The following PDXK variants were observed in gnomAD, a reference collection of about 807,000 sequenced individuals.
PDXK encodes the protein epididymis secretory sperm binding protein Li 1a.
A neutral mutation model predicts 43.2 loss-of-function variants in PDXK; 15 were observed. That is an observed-to-expected ratio of 0.35 (90% CI 0.23 to 0.53). The LOEUF (loss-of-function observed/expected upper bound fraction) is 0.53, where lower values mean the gene tolerates loss of function less well. Among genes scored for constraint, PDXK ranks in the 20% least tolerant of loss-of-function variants. The pLI is 0.92. For synonymous variants in PDXK, 172 were observed against 165.4 expected (o/e 1.04, Z -0.31); for missense variants, 343 against 417.0 (o/e 0.82, Z 1.54).
In PDXK at chr21:43,759,256, T is replaced by C. The variant is rs1431512592; in HGVS notation, c.*3193T>C. 1 of 153,348 alleles carries C rather than the reference T, an allele frequency of 6.5e-6. No homozygotes were observed. The highest frequency in any genetic ancestry group is 1.5e-5 in the Non-Finnish European group (1 of 68,056). The allele number at this position is 153,348 out of a possible 1,614,324, so 9.5% of individuals were successfully genotyped here. Reference sequence around the variant, plus strand: ...ACGGTGCAAGGCCCTGGGAGGGCACTGGCCAGGGAAGGTGGTATAGATGGC... The same window carrying C: ...ACGGTGCAAGGCCCTGGGAGGGCACCGGCCAGGGAAGGTGGTATAGATGGC... On this transcript the variant is annotated 3_prime_UTR_variant, in exon 11 of 11. Transcript: ENST00000291565.
intron 7 of PDXK, among the ~76,000 whole-genome samples, chr21:43,751,508 C>T (rs1420927857): frequency 6.6e-6 from 1 of 152,188 alleles, no homozygotes; most frequent in Non-Finnish European, 1.5e-5. Flanking sequence ...GAGATTGCAC[C>T]ACTGCACTCC....
chr21:43,743,749 G>A lies in PDXK; in HGVS notation c.273G>A (p.Leu91=). The change falls in exon 4 of 11, where the codon CTG becomes CTA. Residue 91 remains leucine (L), a synonymous_variant. Transcript: ENST00000291565. ...GTTATACGAGGGACAAGTCGTTCCT[G>A]GCCATGGTGGTGGACATTGTGCAGG... The part of the protein sequence containing the change: ...LTGYTRDKSF[L]AMVVDIVQEL... 6.2e-7 allele frequency: 1 copy of A among 1,613,722 alleles called. No homozygotes were observed. Among genetic ancestry groups the A allele is most frequent in the Non-Finnish European group, 8.5e-7 (1 of 1,179,698 alleles).
chr21:43,760,720 C>G lies in PDXK; in HGVS notation c.*4657C>G, dbSNP rs1001857547. ...ACGCTCCACAGTGCGTGGCTGGGCT[C>G]TGTGTGTGGCCTGTGTCCCCTGTCC... On this transcript the variant is annotated 3_prime_UTR_variant, in exon 11 of 11. Coordinates refer to ENST00000291565, the MANE Select transcript of PDXK (RefSeq NM_003681.5). 1 of 152,270 alleles carries G rather than the reference C, an allele frequency of 6.6e-6. No individual in the cohort carries two copies. The highest frequency in any genetic ancestry group is 1.5e-5 in the Non-Finnish European group (1 of 68,078). 9.4% of individuals were successfully genotyped at this position (152,270 alleles called of 1,614,324 possible). A position where few individuals can be genotyped will look rare whatever the true frequency, so the allele number is the denominator to read the frequency against.
At chr21:43,746,229 CCT>C (rs1414652399) in intron 5 of PDXK, 104 bp downstream of exon 5, 3 of 927,364 alleles carry the variant, frequency 3.2e-6, no homozygotes, top group South Asian at 2.6e-5. Flanking sequence ...CGGTGGGACT[CCT>C]CTGTCCAGGG....
chr21:43,744,701 C>CA (rs2083605960), intron 4 of PDXK: 1 of 152,252 alleles, frequency 6.6e-6, no homozygotes, highest in African/African-American at 2.4e-5. Context: ...CTGTGGAAAA[C>CA]ACGTTGGTAG....
chr21:43,738,849 C>G (rs573234749), intron 2 of PDXK: 1 of 152,362 alleles, frequency 6.6e-6, no homozygotes, highest in African/African-American at 2.4e-5. Flanking sequence ...CAATAAATAG[C>G]GTGGAGACCA....
At chr21:43,753,515 G>C (rs1422188909) in intron 8 of PDXK, 68 bp from the exon 9 acceptor site, 2 of 1,537,086 alleles carry the variant, frequency 1.3e-6, no homozygotes, top group Non-Finnish European at 1.8e-6. Flanking sequence ...AGGAGGATCA[G>C]GGATGGGAGG....
In PDXK at chr21:43,754,804, C is replaced by T. The variant is rs2299810; in HGVS notation, c.760-894C>T. ...TCTCCCTGTGCTGTCTTTGCCGGGCCGCTTAAGGGGCCACGTGTCCCCCGG... is the reference window on the plus strand; with the variant it reads ...TCTCCCTGTGCTGTCTTTGCCGGGCTGCTTAAGGGGCCACGTGTCCCCCGG... On this transcript the variant is annotated intron_variant, in intron 9 of 10. Transcript: ENST00000291565. The surrounding 1 kb of genome is among the most constrained non-coding windows in gnomAD (Gnocchi z 5.5). Among the ~76,000 whole-genome samples the T allele has an allele frequency of 5.9e-5, 9 of 152,098 alleles. No homozygotes were observed. In the East Asian group the frequency reaches 7.7e-4, roughly 13 times the overall value.
intron 10 of PDXK, 32 bp from the exon 11 acceptor site, chr21:43,755,919 T>C: frequency 1.3e-6 from 2 of 1,548,524 alleles, no homozygotes; most frequent in Non-Finnish European, 1.8e-6. Context: ...CCCTCTGAGA[T>C]GGGAACTCAG....
intron 7 of PDXK, among the ~76,000 whole-genome samples, chr21:43,750,812 G>A (rs974404666): frequency 2.0e-5 from 3 of 151,664 alleles, no homozygotes; most frequent in Non-Finnish European, 2.9e-5. Flanking sequence ...GCGTGTGTGC[G>A]CGCACCCATG....
At chr21:43,733,064 T>G (rs1044581173) in intron 1 of PDXK, among the ~76,000 whole-genome samples, 7 of 152,190 alleles carry the variant, frequency 4.6e-5, no homozygotes, top group African/African-American at 1.7e-4. Flanking sequence ...AAAGTTAAAG[T>G]GCTAACTTTA....
rs7276848 is a variant in PDXK at position 43,754,160 on chromosome 21, C to T, written c.759+441C>T. On this transcript the variant is annotated intron_variant, in intron 9 of 10. Transcript: ENST00000291565. The surrounding 1 kb of genome is among the most constrained non-coding windows in gnomAD (Gnocchi z 5.5). ...ACCTGAGGGACGGAAAGGCCGGAGC[C>T]GCCCTTCGGGGACAGTAGGTGGGAG... 0.21 allele frequency among the ~76,000 whole-genome samples: 32,056 copies of T among 152,154 alleles called. 3,631 individuals carry two copies. Among genetic ancestry groups the T allele is most frequent in the African/African-American group, 0.23 (9,750 of 41,512 alleles).
rs568691796 is a variant in PDXK, at chr21:43,745,452, G to A, written c.332-627G>A. Among the ~76,000 whole-genome samples the A allele has an allele frequency of 2.1e-3, 312 of 151,560 alleles. 3 individuals are homozygous for A. Among genetic ancestry groups the A allele is most frequent in the Middle Eastern group, 6.8e-3 (2 of 294 alleles). On this transcript the variant is annotated intron_variant, in intron 4 of 10. Transcript: ENST00000291565. Reference sequence around the variant, plus strand: ...AAAAAAAAAAGAAAGCAGACTAGACGTTACCAGGGCCTAAGGCAGGGGGAG... The same window carrying A: ...AAAAAAAAAAGAAAGCAGACTAGACATTACCAGGGCCTAAGGCAGGGGGAG...
Position 43,749,019 on chromosome 21 carries a change from G to A in PDXK, c.403G>A (p.Val135Ile), listed in dbSNP as rs778573837. 18 of 1,611,914 alleles carry A rather than the reference G, an allele frequency of 1.1e-5. No homozygotes were observed. The highest frequency in any genetic ancestry group is 1.6e-4 in the Middle Eastern group (1 of 6,084). The change falls in exon 6 of 11, where the codon GTC (valine) becomes ATC (isoleucine). Residue 135 changes from valine to isoleucine, a missense_variant. Physicochemically the swap from Val to Ile is conservative, Grantham distance 29. Coordinates refer to ENST00000291565, the MANE Select transcript of PDXK (RefSeq NM_003681.5). ...SMYVPEDLLP[V>I]YKEKVVPLAD... ...GTACGTCCCGGAGGACCTCCTTCCC[G>A]TCTACAAAGAAAAAGTGGTGCCGCT...
intron 1 of PDXK, among the ~76,000 whole-genome samples, chr21:43,726,067 C>T (rs2083250283): frequency 6.6e-6 from 1 of 151,996 alleles, no homozygotes; most frequent in African/African-American, 2.4e-5. Context: ...GGGTCTGAGC[C>T]AGAATGTGTC....
chr21:43,721,620 C>T (rs1317491014), intron 1 of PDXK: 1 of 152,298 alleles, frequency 6.6e-6, no homozygotes, highest in Non-Finnish European at 1.5e-5. Flanking sequence ...TCTGAGCCTT[C>T]CGGAGTCTCA....
chr21:43,755,086 C>T (rs372745892), intron 9 of PDXK, among the ~76,000 whole-genome samples: 34 of 152,346 alleles, frequency 2.2e-4, no homozygotes, highest in East Asian at 1.4e-3. Context: ...GGCCTCACTG[C>T]CAGGCCGCCC....
intron 1 of PDXK, among the ~76,000 whole-genome samples, chr21:43,733,360 G>A (rs2083351394): frequency 6.6e-6 from 1 of 151,540 alleles, no homozygotes; most frequent in Non-Finnish European, 1.5e-5. Context: ...AGGGGTGGTT[G>A]GCTGTTCAGA....
At chr21:43,724,941 T>TAA (rs769549716) in intron 1 of PDXK, among the ~76,000 whole-genome samples, 16 of 150,502 alleles carry the variant, frequency 1.1e-4, no homozygotes, top group African/African-American at 3.4e-4. Context: ...GACCCTGTTT[T>TAA]TAAAAAAAAA....
Sources: allele counts gnomAD v4.1 joint callset (sites outside exome capture counted in the v4.1 genomes callset), GRCh38; gene constraint gnomAD v4.1.1; non-coding constraint Gnocchi (gnomAD v3.1); transcripts MANE v1.5; gene names NCBI Gene and HGNC (gene_info 2026-07-23, HGNC 2026-07-21).